The following FBXL7 variants were observed in gnomAD, a reference collection of about 807,000 sequenced individuals.
The protein encoded by FBXL7 is F-box/LRR-repeat protein 7.
A neutral mutation model predicts 38.3 loss-of-function variants in FBXL7; 12 were observed. The ratio of observed to expected loss-of-function variants is 0.31; its 90% CI spans 0.20 to 0.51. The LOEUF (loss-of-function observed/expected upper bound fraction) is 0.51. Ranked by LOEUF, FBXL7 falls within the 20% of genes least tolerant of loss-of-function variation. The probability of loss-of-function intolerance (pLI) is 0.98; values close to 1 mark genes in which losing one functional copy is unlikely to be tolerated. For missense variants in FBXL7, 567 were observed against 676.4 expected (o/e 0.84, Z 1.79); for synonymous variants, 297 against 300.9 (o/e 0.99, Z 0.13).
At chr5:15,623,189 G>T (rs1323143582) in intron 2 of FBXL7, among the ~76,000 whole-genome samples, 1 of 152,210 alleles carries the variant, frequency 6.6e-6, no homozygotes, top group Non-Finnish European at 1.5e-5. Flanking sequence ...TTTGGGAGAG[G>T]TTGTTAAGCC....
intron 2 of FBXL7, among the ~76,000 whole-genome samples, chr5:15,777,125 A>G (rs762512086): frequency 9.9e-5 from 15 of 152,082 alleles, no homozygotes; most frequent in Admixed American, 2.0e-4. Flanking sequence ...GGGAGAGAGG[A>G]TGTTTTCATT....
intron 1 of FBXL7, among the ~76,000 whole-genome samples, chr5:15,563,761 C>T (rs1478005415): frequency 6.6e-6 from 1 of 152,000 alleles, no homozygotes; most frequent in African/African-American, 2.4e-5. Context: ...TTGATCCTTC[C>T]TTGCTTGTAG....
chr5:15,932,267 A>ACC lies in FBXL7; in HGVS notation c.739+3767_739+3768dup, dbSNP rs540106230. Among the ~76,000 whole-genome samples the ACC allele has an allele frequency of 4.2e-3, 632 of 152,232 alleles. 5 individuals carry two copies. Among genetic ancestry groups the ACC allele is most frequent in the Non-Finnish European group, 7.0e-3 (478 of 68,018 alleles). On this transcript the variant is annotated intron_variant, in intron 3 of 3. Coordinates refer to ENST00000504595, the MANE Select transcript of FBXL7 (RefSeq NM_012304.5). ...TTCTCAAACACATGCTCTGAAGGGA[A>ACC]CCACGTAGGAGGCACTCAATAAATC...
intron 2 of FBXL7, among the ~76,000 whole-genome samples, chr5:15,837,175 G>A (rs1472571323): frequency 1.3e-5 from 2 of 152,186 alleles, no homozygotes. Context: ...AATGTGAAAA[G>A]CCAACATTAA....
intron 2 of FBXL7, among the ~76,000 whole-genome samples, chr5:15,767,177 A>C (rs1736613763): frequency 6.6e-6 from 1 of 152,118 alleles, no homozygotes; most frequent in Admixed American, 6.6e-5. Context: ...TGCCCCCGAC[A>C]GCCCCCAGTG....
chr5:15,913,988 G>A (rs6884580), intron 2 of FBXL7, among the ~76,000 whole-genome samples: 12 of 152,264 alleles, frequency 7.9e-5, no homozygotes, highest in African/African-American at 2.6e-4. Flanking sequence ...TTACATCTTA[G>A]GTAACTAAAT....
chr5:15,776,274 T>G (rs894661221), intron 2 of FBXL7, among the ~76,000 whole-genome samples: 4 of 152,068 alleles, frequency 2.6e-5, no homozygotes, highest in African/African-American at 9.7e-5. Flanking sequence ...GTATAGTAAG[T>G]TTTAACCTAT....
intron 2 of FBXL7, among the ~76,000 whole-genome samples, chr5:15,872,804 A>G (rs1450507368): frequency 6.6e-6 from 1 of 152,186 alleles, no homozygotes; most frequent in Non-Finnish European, 1.5e-5. Flanking sequence ...GACTACATAG[A>G]GATGTAGATT....
chr5:15,647,065 T>C (rs1264225443), intron 2 of FBXL7, among the ~76,000 whole-genome samples: 1 of 152,094 alleles, frequency 6.6e-6, no homozygotes, highest in Non-Finnish European at 1.5e-5. Context: ...GTGGAACTCT[T>C]ATATTAGATT....
intron 2 of FBXL7, among the ~76,000 whole-genome samples, chr5:15,628,810 A>G (rs1018882975): frequency 1.3e-5 from 2 of 151,996 alleles, no homozygotes; most frequent in Non-Finnish European, 2.9e-5. Context: ...GCTTTTTACA[A>G]CTTCTTCTGT....
chr5:15,542,977 T>A (rs1737798068), intron 1 of FBXL7, among the ~76,000 whole-genome samples: 1 of 152,198 alleles, frequency 6.6e-6, no homozygotes, highest in South Asian at 2.1e-4. Flanking sequence ...GTCCTTTCCA[T>A]GCTGAAAGGA....
At chr5:15,608,548 T>C (rs1238530388) in intron 1 of FBXL7, among the ~76,000 whole-genome samples, 2 of 152,172 alleles carry the variant, frequency 1.3e-5, no homozygotes, top group Non-Finnish European at 2.9e-5. Flanking sequence ...GATATTGCTG[T>C]GAAGGTATTT....
intron 2 of FBXL7, among the ~76,000 whole-genome samples, chr5:15,732,394 T>G (rs1355601822): frequency 1.3e-5 from 2 of 152,238 alleles, no homozygotes; most frequent in Non-Finnish European, 2.9e-5. Flanking sequence ...ATGACAGCAA[T>G]GTTTAACATT....
intron 1 of FBXL7, among the ~76,000 whole-genome samples, chr5:15,517,871 G>A (rs535305769): frequency 6.6e-6 from 1 of 152,298 alleles, no homozygotes; most frequent in Non-Finnish European, 1.5e-5. Context: ...CTCTTTGGAG[G>A]GAGCTGCCCT....
intron 2 of FBXL7, among the ~76,000 whole-genome samples, chr5:15,834,728 C>T (rs936601030): frequency 6.6e-6 from 1 of 152,194 alleles, no homozygotes; most frequent in Non-Finnish European, 1.5e-5. Context: ...GCTGTGTGAA[C>T]CTGACAAAGT....
intron 1 of FBXL7, among the ~76,000 whole-genome samples, chr5:15,613,149 G>A (rs1740309865): frequency 6.6e-6 from 1 of 152,190 alleles, no homozygotes. Context: ...ATTAAATGGA[G>A]TGGTTTGGAT....
At chr5:15,606,026 A>G (rs923645081) in intron 1 of FBXL7, among the ~76,000 whole-genome samples, 7 of 152,040 alleles carry the variant, frequency 4.6e-5, no homozygotes, top group Non-Finnish European at 7.4e-5. Flanking sequence ...TTATCTGTCA[A>G]TTAATTATTT....
intron 2 of FBXL7, among the ~76,000 whole-genome samples, chr5:15,692,143 T>G (rs1198666707): frequency 6.6e-6 from 1 of 152,168 alleles, no homozygotes; most frequent in Non-Finnish European, 1.5e-5. Flanking sequence ...CCGGGGTCAC[T>G]TCTCTTTTCT....
intron 2 of FBXL7, among the ~76,000 whole-genome samples, chr5:15,618,974 A>G (rs374194818): frequency 1.3e-5 from 2 of 152,222 alleles, no homozygotes; most frequent in Admixed American, 6.5e-5. Context: ...GAACTCAAGC[A>G]GGCACCTGAA....
Sources: gnomAD v4.1 joint callset for allele counts (sites outside exome capture counted in the v4.1 genomes callset) on GRCh38, gnomAD v4.1.1 for gene constraint, MANE v1.5 for transcripts, NCBI Gene and HGNC (gene_info 2026-07-23, HGNC 2026-07-21) for gene names.